The following MRPS28 variants were observed in gnomAD, a reference collection of about 807,000 sequenced individuals.
The protein encoded by MRPS28 is small ribosomal subunit protein bS1m.
In MRPS28, 7 loss-of-function variants were observed where a neutral mutation model predicts 10.8. The ratio of observed to expected loss-of-function variants is 0.65; its 90% CI spans 0.37 to 1.22. MRPS28 has a LOEUF of 1.22. MRPS28 is among the 50% of genes most tolerant of loss of function. The pLI is 0.02. For synonymous variants in MRPS28, 121 were observed against 93.3 expected, an observed-to-expected ratio of 1.30 and a Z score of -1.71; for missense variants, 265 against 232.9, an observed-to-expected ratio of 1.14 and a Z score of -0.90.
chr8:79,930,097 T>C (rs760233226), intron 2 of MRPS28, among the ~76,000 whole-genome samples: 1 of 152,198 alleles, frequency 6.6e-6, no homozygotes, highest in Non-Finnish European at 1.5e-5. Context: ...TTATTACAGA[T>C]AAAGATATCC....
chr8:79,949,740 A>C (rs1807033735), intron 2 of MRPS28, among the ~76,000 whole-genome samples: 1 of 152,190 alleles, frequency 6.6e-6, no homozygotes, highest in Non-Finnish European at 1.5e-5. Context: ...TTGATGAAAA[A>C]GGATTTGTCA....
At chr8:79,951,780 T>C (rs1807085829) in intron 2 of MRPS28, among the ~76,000 whole-genome samples, 1 of 152,206 alleles carries the variant, frequency 6.6e-6, no homozygotes, top group South Asian at 2.1e-4. Context: ...TTGGATATTA[T>C]GCCTAGCATT....
At chr8:80,011,127 A>ATTT (rs202004834) in intron 1 of MRPS28, among the ~76,000 whole-genome samples, 4 of 145,048 alleles carry the variant, frequency 2.8e-5, no homozygotes, top group African/African-American at 1.1e-4. Context: ...TTTTTTTTTT[A>ATTT]TTTTTTTATT....
chr8:79,998,816 T>C (rs1269663277), intron 2 of MRPS28, among the ~76,000 whole-genome samples: 1 of 152,218 alleles, frequency 6.6e-6, no homozygotes, highest in Admixed American at 6.5e-5. Context: ...TAAAAGGCTA[T>C]TATTTAGCTA....
intron 2 of MRPS28, among the ~76,000 whole-genome samples, chr8:79,940,649 C>T (rs1296622207): frequency 1.3e-5 from 2 of 152,208 alleles, no homozygotes; most frequent in Non-Finnish European, 2.9e-5. Flanking sequence ...ATACACACAA[C>T]CTAGGTGATA....
At chr8:79,988,338 G>A (rs1157550784) in intron 2 of MRPS28, among the ~76,000 whole-genome samples, 1 of 150,554 alleles carries the variant, frequency 6.6e-6, no homozygotes, top group Admixed American at 6.6e-5. Flanking sequence ...CAAGTTAATG[G>A]GTGCAGCACA....
At chr8:79,974,066 C>T (rs1807715202) in intron 2 of MRPS28, among the ~76,000 whole-genome samples, 1 of 152,050 alleles carries the variant, frequency 6.6e-6, no homozygotes, top group African/African-American at 2.4e-5. Flanking sequence ...ATTTTTATCA[C>T]ATTTTCAGCA....
At chr8:79,938,168 TA>T (rs1337258733) in intron 2 of MRPS28, among the ~76,000 whole-genome samples, 1 of 151,530 alleles carries the variant, frequency 6.6e-6, no homozygotes, top group African/African-American at 2.4e-5. Context: ...TGAATAAACA[TA>T]CTTCGGGGAA....
chr8:80,018,742 A>C (rs2130230787), intron 1 of MRPS28, among the ~76,000 whole-genome samples: 2 of 152,360 alleles, frequency 1.3e-5, no homozygotes, highest in South Asian at 4.1e-4. Context: ...AAAGCAACCT[A>C]AGTGCCCATC....
intron 2 of MRPS28, among the ~76,000 whole-genome samples, chr8:79,982,399 C>T (rs528874713): frequency 6.6e-6 from 1 of 152,182 alleles, no homozygotes; most frequent in Admixed American, 6.5e-5. Flanking sequence ...CTGGGGAGTG[C>T]CAGACAGTGG....
In MRPS28 at chr8:80,008,335, G is replaced by C. The variant is rs550684537; in HGVS notation, c.214-5155C>G. Among the ~76,000 whole-genome samples, 61 of 151,258 alleles carry C rather than the reference G, an allele frequency of 4.0e-4. No homozygotes were observed. In the East Asian group the frequency reaches 0.011, roughly 27 times the overall value. ...CATAAAAACCCTAGAAGAAAACCTA[G>C]GCAATACCATACAGGACAAAGGCAT... On this transcript the variant is annotated intron_variant, in intron 1 of 2. Transcript: ENST00000276585.
intron 2 of MRPS28, among the ~76,000 whole-genome samples, chr8:79,999,433 T>A (rs11989508): frequency 2.6e-4 from 39 of 152,214 alleles, no homozygotes; most frequent in African/African-American, 9.1e-4. Context: ...ATAGTAATTA[T>A]GCTGACCTGA....
chr8:79,965,634 A>G (rs1258924316), intron 2 of MRPS28, among the ~76,000 whole-genome samples: 1 of 152,096 alleles, frequency 6.6e-6, no homozygotes, highest in Non-Finnish European at 1.5e-5. Flanking sequence ...CCTCATCACT[A>G]CACAGCTATA....
chr8:80,001,508 C>A (rs533137737), intron 2 of MRPS28, among the ~76,000 whole-genome samples: 6 of 152,164 alleles, frequency 3.9e-5, no homozygotes, highest in Non-Finnish European at 8.8e-5. Context: ...ACAATAGTAG[C>A]ATTTGTTTAC....
At chr8:79,944,600 G>A (rs1586049804) in intron 2 of MRPS28, among the ~76,000 whole-genome samples, 1 of 152,054 alleles carries the variant, frequency 6.6e-6, no homozygotes, top group South Asian at 2.1e-4. Context: ...TAAGAGTAGG[G>A]CATAGCCACA....
chr8:79,972,733 C>A (rs1241248368), intron 2 of MRPS28, among the ~76,000 whole-genome samples: 1 of 152,178 alleles, frequency 6.6e-6, no homozygotes, highest in Non-Finnish European at 1.5e-5. Flanking sequence ...ACTATCACTA[C>A]ACAAAACTCA....
At chr8:79,982,942 G>A (rs1259470925) in intron 2 of MRPS28, among the ~76,000 whole-genome samples, 2 of 129,436 alleles carry the variant, frequency 1.5e-5, no homozygotes, top group Non-Finnish European at 3.2e-5. Flanking sequence ...CTGGAGATCT[G>A]AGAACAGGCA....
chr8:79,970,688 A>G (rs1807609554), intron 2 of MRPS28, among the ~76,000 whole-genome samples: 2 of 152,202 alleles, frequency 1.3e-5, no homozygotes, highest in African/African-American at 4.8e-5. Flanking sequence ...TGGAATAACC[A>G]CTGCAGAACA....
intron 2 of MRPS28, among the ~76,000 whole-genome samples, chr8:79,939,116 A>G (rs1284243096): frequency 6.6e-6 from 1 of 152,180 alleles, no homozygotes; most frequent in Non-Finnish European, 1.5e-5. Flanking sequence ...ACCTCACCCA[A>G]CTTTCACTAA....
Sources: gnomAD v4.1 joint callset for allele counts (sites outside exome capture counted in the v4.1 genomes callset) on GRCh38, gnomAD v4.1.1 for gene constraint, MANE v1.5 for transcripts, NCBI Gene and HGNC (gene_info 2026-07-23, HGNC 2026-07-21) for gene names.